The following GOLM1 variants were observed in gnomAD, a reference collection of about 807,000 sequenced individuals.
The protein encoded by GOLM1 is golgi membrane protein 1.
Under a neutral mutation model 50.5 loss-of-function variants are expected in GOLM1, and 31 were observed. That is an observed-to-expected ratio of 0.61 (90% confidence interval 0.46 to 0.83). GOLM1 has a LOEUF of 0.83. Ranked by LOEUF, GOLM1 falls within the 40% of genes least tolerant of loss-of-function variation. The pLI is 0.00. For missense variants in GOLM1, 491 were observed against 501.3 expected (o/e 0.98, Z 0.20); for synonymous variants, 178 against 192.8 (o/e 0.92, Z 0.64).
chr9:86,079,394 A>G (rs1834719846), intron 1 of GOLM1, 53 bp from the exon 2 acceptor site: 3 of 1,391,258 alleles, frequency 2.2e-6, no homozygotes, highest in Non-Finnish European at 9.8e-7. Flanking sequence ...ATCATCTCCG[A>G]AGCAGACCGT....
chr9:86,026,493 C>T lies in GOLM1; in HGVS notation c.*1324G>A. ...GTGTGAGGCCAGGGGTGCCAGCGCA[C>T]CAGCTAGATGCTCTGTAACTTCTAG... On this transcript the variant is annotated 3_prime_UTR_variant, in exon 10 of 10. Coordinates refer to ENST00000388712, the MANE Select transcript of GOLM1 (RefSeq NM_016548.4). The T allele has an allele frequency of 1.1e-5, 10 of 903,242 alleles. No homozygotes were observed. Among genetic ancestry groups the T allele is most frequent in the Non-Finnish European group, 1.3e-5 (10 of 755,050 alleles). 56.0% of individuals were successfully genotyped at this position (903,242 alleles called of 1,614,324 possible).
At chr9:86,098,110 G>A (rs932723974) in intron 1 of GOLM1, among the ~76,000 whole-genome samples, 1 of 152,118 alleles carries the variant, frequency 6.6e-6, no homozygotes, top group African/African-American at 2.4e-5. Flanking sequence ...CTCTCCATAG[G>A]AGAACAAAAT....
chr9:86,082,090 G>A (rs1404080314), intron 1 of GOLM1, among the ~76,000 whole-genome samples: 3 of 137,458 alleles, frequency 2.2e-5, no homozygotes, highest in Admixed American at 1.5e-4. Flanking sequence ...GTGCAGTGGC[G>A]TGATCTAGGT....
chr9:86,083,258 G>C (rs548472677), intron 1 of GOLM1, among the ~76,000 whole-genome samples: 1 of 152,308 alleles, frequency 6.6e-6, no homozygotes, highest in East Asian at 1.9e-4. Flanking sequence ...ACCATGTCTA[G>C]ATTACTTATA....
chr9:86,028,842 CTTTTTTTT>C (rs35054627), intron 9 of GOLM1, among the ~76,000 whole-genome samples: 5 of 106,820 alleles, frequency 4.7e-5, no homozygotes, highest in African/African-American at 1.5e-4. Context: ...GATAAGGGAA[CTTTTTTTT>C]TTTTTTTTTT....
At chr9:86,028,907 C>T (rs1267917670) in intron 9 of GOLM1, among the ~76,000 whole-genome samples, 3 of 138,566 alleles carry the variant, frequency 2.2e-5, no homozygotes, top group South Asian at 2.2e-4. Context: ...GGAGTGCAGT[C>T]GTGCGATCTC....
chr9:86,035,535 C>T lies in GOLM1; in HGVS notation c.848G>A (p.Arg283Lys), dbSNP rs764858649. Residue 283 changes from arginine to lysine, a missense_variant, in exon 8 of 10, where the codon AGA becomes AAA. Coordinates refer to ENST00000388712, the MANE Select transcript of GOLM1 (RefSeq NM_016548.4). ...CCCGAAGCCTCTTCCACCTACAGGT[C>T]TGTCTTCCACCACCTGCTCCCGGCC... is the stretch of plus-strand genomic sequence containing the variant. Reference protein sequence around the residue: ...EPGREQVVEDRPVGGRGFGGA... With the variant: ...EPGREQVVEDKPVGGRGFGGA... 1.3e-5 allele frequency: 21 copies of T among 1,612,062 alleles called. No homozygotes were observed. The highest frequency in any genetic ancestry group is 1.6e-4 in the Middle Eastern group (1 of 6,062).
At chr9:86,081,357 C>T (rs1483707612) in intron 1 of GOLM1, among the ~76,000 whole-genome samples, 1 of 151,908 alleles carries the variant, frequency 6.6e-6, no homozygotes, top group Non-Finnish European at 1.5e-5. Context: ...CCACCACGGC[C>T]AGCTAATTTT....
At chr9:86,062,327 T>C (rs1400165765) in intron 3 of GOLM1, among the ~76,000 whole-genome samples, 1 of 151,912 alleles carries the variant, frequency 6.6e-6, no homozygotes, top group Non-Finnish European at 1.5e-5. Flanking sequence ...AACCCAAGAC[T>C]GGCTCACACC....
chr9:86,083,563 C>G (rs1834852353), intron 1 of GOLM1, among the ~76,000 whole-genome samples: 1 of 152,124 alleles, frequency 6.6e-6, no homozygotes, highest in Non-Finnish European at 1.5e-5. Context: ...TTTTTTTGTA[C>G]TTTTAGTAGA....
At chr9:86,071,106 C>T (rs1488281283) in intron 3 of GOLM1, among the ~76,000 whole-genome samples, 1 of 146,604 alleles carries the variant, frequency 6.8e-6, no homozygotes, top group African/African-American at 2.5e-5. Context: ...CACACACACA[C>T]GTATATTTAG....
Position 86,087,741 on chromosome 9 carries a change from G to A in GOLM1, c.-21-8400C>T, listed in dbSNP as rs118113550. ...TGGTTCTGTTTATGTGATGGATTAC[G>A]TCTACTAATTCATATGTTGAACCAG... is the stretch of plus-strand genomic sequence containing the variant. On this transcript the variant is annotated intron_variant, in intron 1 of 9. Transcript: ENST00000388712. Among the ~76,000 whole-genome samples the A allele has an allele frequency of 1.3e-3, 190 of 151,798 alleles. 1 individual carries two copies. In the East Asian group the frequency reaches 0.029, roughly 23 times the overall value.
chr9:86,093,090 T>G (rs1487229059), intron 1 of GOLM1, among the ~76,000 whole-genome samples: 1 of 152,126 alleles, frequency 6.6e-6, no homozygotes, highest in African/African-American at 2.4e-5. Context: ...AAAAATCACT[T>G]GATAGGCTGG....
At chr9:86,057,765 G>A (rs774428807) in intron 3 of GOLM1, among the ~76,000 whole-genome samples, 1 of 152,202 alleles carries the variant, frequency 6.6e-6, no homozygotes, top group African/African-American at 2.4e-5. Context: ...GGCCCTCCTG[G>A]GCCTCAGTCA....
intron 9 of GOLM1, 70 bp downstream of exon 9, chr9:86,033,212 T>C: frequency 4.7e-6 from 4 of 851,560 alleles, no homozygotes; most frequent in Non-Finnish European, 8.0e-6. Context: ...ATTCATTGGA[T>C]AATCACGGTG....
intron 6 of GOLM1, among the ~76,000 whole-genome samples, chr9:86,037,705 C>CCT (rs1833192273): frequency 6.6e-6 from 1 of 152,084 alleles, no homozygotes; most frequent in Admixed American, 6.5e-5. Flanking sequence ...AATCACTGTC[C>CCT]TTAAGCCTGG....
At chr9:86,061,122 G>A (rs770968655) in intron 3 of GOLM1, among the ~76,000 whole-genome samples, 48 of 152,048 alleles carry the variant, frequency 3.2e-4, no homozygotes, top group Non-Finnish European at 6.3e-4. Flanking sequence ...ATGTGTGGGG[G>A]CTCACTGGGT....
chr9:86,026,905 A>G lies in GOLM1; in HGVS notation c.*912T>C. 1.0e-6 allele frequency: 1 copy of G among 984,766 alleles called. No individual in the cohort carries two copies. Among genetic ancestry groups the G allele is most frequent in the Non-Finnish European group, 1.2e-6 (1 of 829,400 alleles). The allele number at this position is 984,766 out of a possible 1,614,324, so 61.0% of individuals were successfully genotyped here. A position where few individuals can be genotyped will look rare whatever the true frequency, so the allele number is the denominator to read the frequency against. On this transcript the variant is annotated 3_prime_UTR_variant, in exon 10 of 10. Coordinates refer to ENST00000388712, the MANE Select transcript of GOLM1 (RefSeq NM_016548.4). ...TCTAACACTGTATATATCCTTCGACATCAATGAACTTTGTTTTCTTTTACT... is the reference window on the plus strand; with the variant it reads ...TCTAACACTGTATATATCCTTCGACGTCAATGAACTTTGTTTTCTTTTACT...
At chr9:86,084,893 C>T (rs1354846428) in intron 1 of GOLM1, 2 of 152,054 alleles carry the variant, frequency 1.3e-5, no homozygotes, top group African/African-American at 4.8e-5. Context: ...ACTAAAAATA[C>T]AAGAAGTAGC....
Sources: gnomAD v4.1 joint callset for allele counts (sites outside exome capture counted in the v4.1 genomes callset) on GRCh38, gnomAD v4.1.1 for gene constraint, MANE v1.5 for transcripts, NCBI Gene and HGNC (gene_info 2026-07-23, HGNC 2026-07-21) for gene names.